The following KLB variants were observed in gnomAD, a reference collection of about 807,000 sequenced individuals.
The protein encoded by KLB is klotho beta, also known as beta-klotho.
KLB carries 44 observed loss-of-function variants against 88.4 expected under a neutral mutation model. The observed-to-expected ratio is 0.50, with a 90% CI of 0.39 to 0.64. KLB has a LOEUF of 0.64. Ranked by LOEUF, KLB falls within the 30% of genes least tolerant of loss-of-function variation. The pLI is 0.00. For missense variants in KLB, 1,137 were observed against 1,304.8 expected (o/e 0.87, Z 1.98); for synonymous variants, 548 against 513.4 (o/e 1.07, Z -0.91).
At chr4:39,441,807 T>G (rs140445104) in intron 3 of KLB, 126 of 148,600 alleles carry the variant, frequency 8.5e-4, no homozygotes, top group African/African-American at 2.9e-3. Flanking sequence ...AATAAATAAA[T>G]AAAGATGAAT....
intron 2 of KLB, among the ~76,000 whole-genome samples, chr4:39,435,663 T>C (rs1743458431): frequency 6.6e-6 from 1 of 151,822 alleles, no homozygotes; most frequent in Non-Finnish European, 1.5e-5. Context: ...TGACCTCAGG[T>C]GATCCACCTG....
intron 1 of KLB, among the ~76,000 whole-genome samples, chr4:39,422,973 G>A (rs1743122347): frequency 6.6e-6 from 1 of 151,644 alleles, no homozygotes; most frequent in South Asian, 2.1e-4. Flanking sequence ...CACCATGTTG[G>A]CCAGGCTGGT....
chr4:39,433,687 C>T (rs955123673), intron 1 of KLB, among the ~76,000 whole-genome samples: 1 of 152,152 alleles, frequency 6.6e-6, no homozygotes. Context: ...TGGTGAAACC[C>T]TGTCTCTACT....
At chr4:39,424,774 ATGT>A (rs1743165769) in intron 1 of KLB, among the ~76,000 whole-genome samples, 2 of 151,960 alleles carry the variant, frequency 1.3e-5, no homozygotes, top group African/African-American at 4.8e-5. Context: ...GACTACAGGC[ATGT>A]GCCACCACGC....
At chr4:39,433,492 T>A (rs1199350462) in intron 1 of KLB, among the ~76,000 whole-genome samples, 2 of 152,214 alleles carry the variant, frequency 1.3e-5, no homozygotes, top group Non-Finnish European at 2.9e-5. Flanking sequence ...ATTACTCATT[T>A]ATAGGATTCA....
intron 3 of KLB, among the ~76,000 whole-genome samples, chr4:39,445,011 A>G (rs1363450112): frequency 6.6e-6 from 1 of 152,232 alleles, no homozygotes; most frequent in Non-Finnish European, 1.5e-5. Flanking sequence ...CTTTAAAACA[A>G]GTACTTAACT....
intron 3 of KLB, among the ~76,000 whole-genome samples, chr4:39,438,483 A>G (rs1743529333): frequency 6.6e-6 from 1 of 152,022 alleles, no homozygotes; most frequent in South Asian, 2.1e-4. Context: ...TGTCCTCAAA[A>G]GTCACCTTCT....
At chr4:39,427,225 G>A (rs2109830232) in intron 1 of KLB, among the ~76,000 whole-genome samples, 1 of 152,166 alleles carries the variant, frequency 6.6e-6, no homozygotes, top group East Asian at 1.9e-4. Context: ...GTTCATGCCT[G>A]TAATCCCAGC....
Position 39,448,957 on chromosome 4 carries a change from T to C in KLB, c.*271T>C. ...CATTGCTTCTTAAAGTTTCATCAAC[T>C]GTATTCCATCATTCTGCTTTAGCTT... On this transcript the variant is annotated 3_prime_UTR_variant, in exon 5 of 5. Transcript: ENST00000257408. 1 of 347,396 alleles carries C rather than the reference T, an allele frequency of 2.9e-6. No individual in the cohort carries two copies. Among genetic ancestry groups the C allele is most frequent in the Admixed American group, 4.3e-5 (1 of 23,168 alleles). 21.5% of individuals were successfully genotyped at this position (347,396 alleles called of 1,614,324 possible).
rs1423368877 is a variant in KLB at position 39,449,887 on chromosome 4, T to G, written c.*1201T>G. 1.3e-5 allele frequency: 2 copies of G among 152,122 alleles called. No homozygotes were observed. The highest frequency in any genetic ancestry group is 4.8e-5 in the African/African-American group (2 of 41,394). The allele number at this position is 152,122 out of a possible 1,614,324, so 9.4% of individuals were successfully genotyped here. A position where few individuals can be genotyped will look rare whatever the true frequency, so the allele number is the denominator to read the frequency against. On this transcript the variant is annotated 3_prime_UTR_variant, in exon 5 of 5. Coordinates refer to ENST00000257408, the MANE Select transcript of KLB (RefSeq NM_175737.4). ...TTGCAATGAGCCAAGATCGTGCCAT[T>G]GCACTCCAGCCTGGGGGACAGGGCA... is the stretch of plus-strand genomic sequence containing the variant.
rs1042955116 is a variant in KLB, at chr4:39,446,079, T to C, written c.1606-253T>C. On this transcript the variant is annotated intron_variant, in intron 3 of 4. Coordinates refer to ENST00000257408, the MANE Select transcript of KLB (RefSeq NM_175737.4). This position sits in a 1 kb window ranked among gnomAD's most constrained non-coding sequence, Gnocchi z 6.4. ...CAGAATCACTTCAAACCCCACCATA[T>C]ATAACCTAGGGTTTAAAGTTAAATG... is the stretch of plus-strand genomic sequence containing the variant. 2.0e-5 allele frequency among the ~76,000 whole-genome samples: 3 copies of C among 152,208 alleles called. No individual in the cohort carries two copies. The highest frequency in any genetic ancestry group is 2.1e-4 in the South Asian group (1 of 4,836).
At chr4:39,418,777 G>A (rs1258181086) in intron 1 of KLB, among the ~76,000 whole-genome samples, 3 of 151,156 alleles carry the variant, frequency 2.0e-5, no homozygotes, top group Admixed American at 6.6e-5. Context: ...GTGAAATCCC[G>A]TCTCTACTAA....
Position 39,423,927 on chromosome 4 carries a change from C to T in KLB, c.826-10283C>T, listed in dbSNP as rs1208928073. Among the ~76,000 whole-genome samples, 2 of 151,852 alleles carry T rather than the reference C, an allele frequency of 1.3e-5. 1 individual carries two copies. The highest frequency in any genetic ancestry group is 6.8e-3 in the Middle Eastern group (2 of 294). The stretch of plus-strand genomic sequence containing the variant: ...CTGGCCAGGTACAGTAGCTCAGGCA[C>T]TTTGGGAGGCCAAGGCAGGAGGATT... On this transcript the variant is annotated intron_variant, in intron 1 of 4. Transcript: ENST00000257408.
Position 39,407,430 on chromosome 4 carries a change from G to T in KLB, c.481G>T (p.Asp161Tyr). 1 of 1,614,034 alleles carries T rather than the reference G, an allele frequency of 6.2e-7. No homozygotes were observed. The highest frequency in any genetic ancestry group is 8.5e-7 in the Non-Finnish European group (1 of 1,179,984). ...AATTTCCTGGCCAAGGCTTTTCCCC[G>T]ATGGAATAGTAACAGTTGCCAACGC... The part of the protein sequence containing the change: ...FSISWPRLFP[D>Y]GIVTVANAKG... Residue 161 changes from aspartate to tyrosine, a missense_variant, in exon 1 of 5, where the codon GAT (aspartate) becomes TAT (tyrosine). This residue lies in a region of KLB where 597 missense variants were observed against 765.2 expected (regional missense o/e 0.78). Coordinates refer to ENST00000257408, the MANE Select transcript of KLB (RefSeq NM_175737.4).
intron 1 of KLB, among the ~76,000 whole-genome samples, chr4:39,410,825 C>T (rs906791495): frequency 3.3e-5 from 5 of 152,240 alleles, no homozygotes; most frequent in African/African-American, 1.2e-4. Flanking sequence ...TTCATAGTGG[C>T]TATTGGGGTC....
intron 1 of KLB, among the ~76,000 whole-genome samples, chr4:39,420,204 C>T (rs1010656561): frequency 2.0e-5 from 3 of 151,976 alleles, no homozygotes; most frequent in Admixed American, 2.0e-4. Flanking sequence ...TGGGGGAGTT[C>T]ATTGCTTGGT....
In KLB at chr4:39,407,388, T is replaced by A. The variant is rs1279298309; in HGVS notation, c.439T>A (p.Ser147Thr). ...DLSALDFIGV[S>T]FYQFSISWPR... ...ATCAGCCCTGGATTTTATAGGAGTT[T>A]CTTTTTATCAATTTTCAATTTCCTG... Residue 147 changes from serine to threonine, a missense_variant, in exon 1 of 5, where the codon TCT (serine) becomes ACT (threonine). Around this residue, in one of 4 missense-constraint regions of KLB, gnomAD observed 597 missense variants for 765.2 expected, o/e 0.78. Coordinates refer to ENST00000257408, the MANE Select transcript of KLB (RefSeq NM_175737.4). The A allele has an allele frequency of 1.2e-6, 2 of 1,613,650 alleles. No homozygotes were observed. Among genetic ancestry groups the A allele is most frequent in the Non-Finnish European group, 1.7e-6 (2 of 1,179,906 alleles).
chr4:39,428,251 A>AC (rs1743263746), intron 1 of KLB, among the ~76,000 whole-genome samples: 1 of 152,106 alleles, frequency 6.6e-6, no homozygotes, highest in Non-Finnish European at 1.5e-5. Flanking sequence ...ACATGGTGAA[A>AC]CCCCGTCTCT....
intron 1 of KLB, 116 bp downstream of exon 1, chr4:39,407,890 T>A: frequency 1.7e-6 from 1 of 600,592 alleles, no homozygotes; most frequent in Non-Finnish European, 2.8e-6. Context: ...TTAAGCTAAT[T>A]CAAAAGATCT....
Sources: gnomAD v4.1 joint callset for allele counts (sites outside exome capture counted in the v4.1 genomes callset) on GRCh38, gnomAD v4.1.1 for gene constraint, gnomAD v4.1.1 regional missense constraint, Gnocchi (gnomAD v3.1) non-coding constraint, MANE v1.5 for transcripts, NCBI Gene and HGNC (gene_info 2026-07-23, HGNC 2026-07-21) for gene names.